The following CAPN7 variants were observed in gnomAD, a reference collection of about 807,000 sequenced individuals.
CAPN7 encodes the protein calpain-7.
Under a neutral mutation model 115.2 loss-of-function variants are expected in CAPN7, and 72 were observed. That is an observed-to-expected ratio of 0.63 (90% CI 0.52 to 0.76). The LOEUF is 0.76. Ranked by LOEUF, CAPN7 falls within the 30% of genes least tolerant of loss-of-function variation. The probability of loss-of-function intolerance (pLI) is 0.00; values close to 1 mark genes in which losing one functional copy is unlikely to be tolerated. For synonymous variants in CAPN7, 344 were observed against 322.3 expected, an observed-to-expected ratio of 1.07 and a Z score of -0.72; for missense variants, 905 against 971.5, an observed-to-expected ratio of 0.93 and a Z score of 0.91.
At chr3:15,225,404 A>T (rs1694254517) in intron 6 of CAPN7, among the ~76,000 whole-genome samples, 1 of 152,228 alleles carries the variant, frequency 6.6e-6, no homozygotes, top group African/African-American at 2.4e-5. Flanking sequence ...TCAAATAGAG[A>T]TGTAAACTTA....
At chr3:15,245,400 T>C (rs1440045584) in intron 16 of CAPN7, 126 bp from the exon 17 acceptor site, 5 of 800,472 alleles carry the variant, frequency 6.2e-6, no homozygotes, top group African/African-American at 3.5e-5. Flanking sequence ...TTCACTAATA[T>C]CATTATATTT....
chr3:15,238,281 A>G (rs1045759401), intron 12 of CAPN7, among the ~76,000 whole-genome samples: 5 of 151,254 alleles, frequency 3.3e-5, no homozygotes, highest in African/African-American at 7.3e-5. Context: ...CGCCCGGCCA[A>G]TTTTTTATAT....
chr3:15,238,848 A>ATTT (rs1373380032), intron 12 of CAPN7, among the ~76,000 whole-genome samples: 2 of 133,620 alleles, frequency 1.5e-5, no homozygotes, highest in African/African-American at 7.4e-5. Context: ...AGCAAAATCA[A>ATTT]ATTTTTTTTT....
At chr3:15,215,247 A>T (rs1170387663) in intron 2 of CAPN7, among the ~76,000 whole-genome samples, 1 of 152,190 alleles carries the variant, frequency 6.6e-6, no homozygotes, top group Non-Finnish European at 1.5e-5. Context: ...AGCCTGGGCA[A>T]CCTAGTGAGA....
chr3:15,245,074 TAAAAGAGA>T (rs1695576850), intron 16 of CAPN7, among the ~76,000 whole-genome samples: 2 of 146,674 alleles, frequency 1.4e-5, no homozygotes, highest in East Asian at 3.9e-4. Context: ...GTGTAGTGGT[TAAAAGAGA>T]CATTGTTTTA....
intron 2 of CAPN7, among the ~76,000 whole-genome samples, chr3:15,217,219 G>T (rs1366317546): frequency 6.6e-6 from 1 of 151,264 alleles, no homozygotes; most frequent in African/African-American, 2.4e-5. Context: ...CTGCACTCTA[G>T]CCTGGGTAAC....
chr3:15,208,969 G>C (rs1383127996), intron 1 of CAPN7, among the ~76,000 whole-genome samples: 1 of 152,062 alleles, frequency 6.6e-6, no homozygotes, highest in Admixed American at 6.6e-5. Flanking sequence ...ATAAAGTGTG[G>C]TTTGTTTCAG....
At chr3:15,231,317 A>G (rs1694672211) in intron 9 of CAPN7, among the ~76,000 whole-genome samples, 1 of 152,148 alleles carries the variant, frequency 6.6e-6, no homozygotes, top group African/African-American at 2.4e-5. Context: ...CAAAATTTGC[A>G]TTTCTAACAA....
At chr3:15,245,712 A>G in intron 17 of CAPN7, 41 bp downstream of exon 17, 2 of 1,577,658 alleles carry the variant, frequency 1.3e-6, no homozygotes, top group Non-Finnish European at 1.7e-6. Context: ...ACAGTAATAT[A>G]AAGTATGTAA....
chr3:15,244,660 A>G (rs1018479570), intron 16 of CAPN7, among the ~76,000 whole-genome samples: 5 of 152,226 alleles, frequency 3.3e-5, no homozygotes, highest in African/African-American at 1.2e-4. Context: ...CGATCTTAAC[A>G]TATAGTAATT....
intron 4 of CAPN7, 26 bp downstream of exon 4, chr3:15,218,566 T>C (rs1380097920): frequency 1.3e-6 from 2 of 1,522,644 alleles, no homozygotes; most frequent in South Asian, 1.1e-5. Context: ...CAAGTTCTAA[T>C]CCATGGATGG....
intron 1 of CAPN7, among the ~76,000 whole-genome samples, chr3:15,209,686 G>A (rs2044827023): frequency 6.6e-6 from 1 of 152,168 alleles, no homozygotes; most frequent in Admixed American, 6.5e-5. Flanking sequence ...GAGAAAAATT[G>A]TGTGTGTTTT....
At position 15,233,951 on chromosome 3, in the gene CAPN7, T is replaced by G; in HGVS notation, c.1264T>G (p.Ser422Ala). 3 of 1,573,412 alleles carry G rather than the reference T, an allele frequency of 1.9e-6. No homozygotes were observed. Among genetic ancestry groups the G allele is most frequent in the Non-Finnish European group, 2.6e-6 (3 of 1,146,326 alleles). Residue 422 changes from serine (S) to alanine (A), a missense_variant, in exon 11 of 21, where the codon TCT becomes GCT. Around this residue, in one of 3 missense-constraint regions of CAPN7, gnomAD observed 620 missense variants for 703.4 expected, o/e 0.88. Transcript: ENST00000253693. ...TAGCCAAACTTTCAGTAAGGATAAT[T>G]CTTTCAGAATGCTTTATCAAAGGTA... is the stretch of plus-strand genomic sequence containing the variant. The part of the protein sequence containing the change: ...SDSQTFSKDN[S>A]FRMLYQRFHK...
intron 1 of CAPN7, among the ~76,000 whole-genome samples, chr3:15,209,801 A>T (rs1575150023): frequency 6.6e-6 from 1 of 152,346 alleles, no homozygotes; most frequent in Non-Finnish European, 1.5e-5. Context: ...ATAGACTTAC[A>T]TACATGTCAG....
At chr3:15,248,830 AT>A (rs1559414227) in intron 19 of CAPN7, among the ~76,000 whole-genome samples, 1 of 151,992 alleles carries the variant, frequency 6.6e-6, no homozygotes, top group African/African-American at 2.4e-5. Flanking sequence ...CTCTGCAAAA[AT>A]TTTTTTAAAA....
At position 15,218,485 on chromosome 3, in the gene CAPN7, G is replaced by A. The variant is rs35247476; in HGVS notation, c.382G>A (p.Ala128Thr). Residue 128 changes from alanine to threonine, a missense_variant, in exon 4 of 21, where the codon GCT (alanine) becomes ACT (threonine). By Grantham distance (58) the Ala-to-Thr change is moderately conservative. This residue lies in a region of CAPN7 where 271 missense variants were observed against 239.6 expected (regional missense o/e 1.13). Coordinates refer to ENST00000253693, the MANE Select transcript of CAPN7 (RefSeq NM_014296.3). ...DLCLKTSYET[A>T]DKVLQNKLKQ... ...TCTTTCTCTTAAGTCTTATGAAACTGCTGATAAAGTCCTGCAAAATAAACT... is the reference window on the plus strand; with the variant it reads ...TCTTTCTCTTAAGTCTTATGAAACTACTGATAAAGTCCTGCAAAATAAACT... 90,328 of 1,609,182 alleles carry A rather than the reference G, an allele frequency of 0.056. 2,802 individuals carry two copies. Among genetic ancestry groups the A allele is most frequent in the Middle Eastern group, 0.098 (594 of 6,050 alleles).
At chr3:15,233,514 A>G (rs1025975334) in intron 10 of CAPN7, among the ~76,000 whole-genome samples, 2 of 152,362 alleles carry the variant, frequency 1.3e-5, no homozygotes, top group Middle Eastern at 3.4e-3. Flanking sequence ...AGAGAGAGAA[A>G]GAATGGGAAT....
At position 15,245,556 on chromosome 3, in the gene CAPN7, G is replaced by T. The variant is rs768118306; in HGVS notation, c.1895G>T (p.Arg632Leu). Residue 632 changes from arginine to leucine, a missense_variant, in exon 17 of 21, where the codon CGA becomes CTA. By Grantham distance (102) the Arg-to-Leu change is moderately radical. Transcript: ENST00000253693. ...CCACCTCCATACATTGATGGAATTC[G>T]AATTAACAGCCCTCATTATTTGACT... ...ADPPPYIDGI[R>L]INSPHYLTKI... is the part of the protein sequence containing the mutation. 2 of 1,613,568 alleles carry T rather than the reference G, an allele frequency of 1.2e-6. No homozygotes were observed. The highest frequency in any genetic ancestry group is 1.7e-6 in the Non-Finnish European group (2 of 1,179,780).
chr3:15,240,916 A>C, intron 14 of CAPN7, 63 bp downstream of exon 14: 1 of 1,075,114 alleles, frequency 9.3e-7, no homozygotes, highest in Non-Finnish European at 1.4e-6. Context: ...ACTTAAAAAC[A>C]TAATGGTGCC....
Sources: gnomAD v4.1 joint callset for allele counts (sites outside exome capture counted in the v4.1 genomes callset) on GRCh38, gnomAD v4.1.1 for gene constraint, gnomAD v4.1.1 regional missense constraint, MANE v1.5 for transcripts, NCBI Gene and HGNC (gene_info 2026-07-23, HGNC 2026-07-21) for gene names.